Variants in ADAMTSL1 observed in about 807,000 individuals in gnomAD.
The protein encoded by ADAMTSL1 is ADAMTS-like protein 1.
Under a neutral mutation model 201.8 loss-of-function variants are expected in ADAMTSL1, and 126 were observed. That is an observed-to-expected ratio of 0.62 (90% CI 0.54 to 0.72). ADAMTSL1 has a LOEUF of 0.72. Among genes scored for constraint, ADAMTSL1 ranks in the 30% least tolerant of loss-of-function variants. The pLI, the probability that ADAMTSL1 is intolerant of heterozygous loss-of-function variation, is 0.00. For missense variants in ADAMTSL1, 2,679 were observed against 2,277.8 expected (o/e 1.18, Z -3.59); for synonymous variants, 1,121 against 903.4 (o/e 1.24, Z -4.32).
intron 1 of ADAMTSL1, among the ~76,000 whole-genome samples, chr9:18,110,003 C>T (rs7853677): frequency 0.026 from 3,887 of 152,292 alleles, 59 homozygotes; most frequent in Middle Eastern, 0.044. Flanking sequence ...AAGAGGAACA[C>T]AGGCAAGTGA....
At chr9:18,472,099 C>T (rs1315483112), upstream of ADAMTSL1, among the ~76,000 whole-genome samples, 1 of 152,060 alleles carries the variant, frequency 6.6e-6, no homozygotes, top group Non-Finnish European at 1.5e-5. Flanking sequence ...GTAAAATGTT[C>T]CATTAATAGA....
chr9:18,282,606 A>G (rs557570570), intron 2 of ADAMTSL1, among the ~76,000 whole-genome samples: 5 of 152,336 alleles, frequency 3.3e-5, no homozygotes, highest in Non-Finnish European at 7.3e-5. Context: ...TGCACTTGAA[A>G]AGAGTACGTG....
intron 4 of ADAMTSL1, among the ~76,000 whole-genome samples, chr9:18,578,296 A>G (rs1822868141): frequency 6.6e-6 from 1 of 152,168 alleles, no homozygotes; most frequent in South Asian, 2.1e-4. Flanking sequence ...TTCAAACCAC[A>G]TTCTCCCCCT....
rs1454744826 is a variant in ADAMTSL1, at chr9:17,912,537, G to A, written c.87+5615G>A. 3.0e-5 allele frequency among the ~76,000 whole-genome samples: 2 copies of A among 66,786 alleles called. 1 individual carries two copies. Among genetic ancestry groups the A allele is most frequent in the Non-Finnish European group, 8.7e-5 (2 of 22,938 alleles). The allele number at this position is 66,786 out of a possible 152,430, so 43.8% of individuals were successfully genotyped here. A position where few individuals can be genotyped will look rare whatever the true frequency, so the allele number is the denominator to read the frequency against. On this transcript the variant is annotated intron_variant, in intron 1 of 29. Transcript: ENST00000680146. Reference sequence around the variant, plus strand: ...CGCCCACTTTTTGATGGGGTTGTTTGTTTTTTTCTTGTAAATTTGTTTGAG... The same window carrying A: ...CGCCCACTTTTTGATGGGGTTGTTTATTTTTTTCTTGTAAATTTGTTTGAG...
chr9:18,505,143 AT>A (rs1391244042), intron 2 of ADAMTSL1, among the ~76,000 whole-genome samples, 187 bp downstream of exon 2: 1 of 152,256 alleles, frequency 6.6e-6, no homozygotes, highest in African/African-American at 2.4e-5. Context: ...TCTTACGTCC[AT>A]CTGCAGCTGG....
At chr9:18,263,041 T>G (rs1801287931) in intron 2 of ADAMTSL1, among the ~76,000 whole-genome samples, 1 of 152,214 alleles carries the variant, frequency 6.6e-6, no homozygotes, top group Admixed American at 6.5e-5. Flanking sequence ...AGCCCAGAGT[T>G]TGCTGACATC....
chr9:18,248,234 G>A (rs1045774043), intron 2 of ADAMTSL1, among the ~76,000 whole-genome samples: 4 of 152,142 alleles, frequency 2.6e-5, no homozygotes, highest in African/African-American at 9.7e-5. Context: ...CAACATGAAA[G>A]CTATAATTGC....
intron 23 of ADAMTSL1, among the ~76,000 whole-genome samples, chr9:18,840,832 CTGTT>C (rs1434908530): frequency 2.0e-5 from 3 of 149,470 alleles, no homozygotes; most frequent in South Asian, 2.2e-4. Flanking sequence ...ATTTGGCTCT[CTGTT>C]TGTCTGTTTT....
At chr9:18,607,310 G>A (rs1473548538) in intron 4 of ADAMTSL1, among the ~76,000 whole-genome samples, 1 of 152,104 alleles carries the variant, frequency 6.6e-6, no homozygotes, top group African/African-American at 2.4e-5. Context: ...TCAACACTCT[G>A]CCAAGAATTC....
chr9:18,589,078 T>C (rs900237692), intron 4 of ADAMTSL1, among the ~76,000 whole-genome samples: 51 of 151,820 alleles, frequency 3.4e-4, no homozygotes, highest in Admixed American at 6.6e-5. Flanking sequence ...GGTTTTGCCA[T>C]GTTGGCCAGG....
At chr9:18,017,145 A>G (rs1457715028) in intron 1 of ADAMTSL1, among the ~76,000 whole-genome samples, 1 of 152,038 alleles carries the variant, frequency 6.6e-6, no homozygotes, top group Non-Finnish European at 1.5e-5. Context: ...CATCTCTACT[A>G]TAGCAAGTTA....
chr9:17,991,520 A>G (rs2811817), intron 1 of ADAMTSL1, among the ~76,000 whole-genome samples: 147,817 of 152,128 alleles, frequency 0.97, 71,910 homozygotes, highest in East Asian at 1. Flanking sequence ...GCTCAGACTC[A>G]GAAAAGGCTT....
chr9:17,984,274 A>G (rs1337065388), intron 1 of ADAMTSL1, among the ~76,000 whole-genome samples: 1 of 152,144 alleles, frequency 6.6e-6, no homozygotes, highest in Non-Finnish European at 1.5e-5. Flanking sequence ...TCATACTCTC[A>G]GCACCCAGAT....
At chr9:18,421,304 C>T (rs1818936817) in intron 2 of ADAMTSL1, among the ~76,000 whole-genome samples, 1 of 152,034 alleles carries the variant, frequency 6.6e-6, no homozygotes, top group African/African-American at 2.4e-5. Context: ...GTAATAACTA[C>T]CATTTATTGA....
chr9:18,427,059 T>C (rs1202700816), intron 2 of ADAMTSL1, among the ~76,000 whole-genome samples: 1 of 152,216 alleles, frequency 6.6e-6, no homozygotes, highest in African/African-American at 2.4e-5. Context: ...GCAGAATGGA[T>C]ATTTTGATGC....
intron 1 of ADAMTSL1, among the ~76,000 whole-genome samples, chr9:18,091,500 G>A (rs1265611914): frequency 6.6e-6 from 1 of 152,072 alleles, no homozygotes; most frequent in Non-Finnish European, 1.5e-5. Context: ...TTTTCTCTCT[G>A]TAAATCAGGA....
intron 1 of ADAMTSL1, among the ~76,000 whole-genome samples, chr9:18,125,645 C>T (rs1825701206): frequency 6.6e-6 from 1 of 152,090 alleles, no homozygotes; most frequent in Non-Finnish European, 1.5e-5. Context: ...GCATGTGGAC[C>T]TCTAGTTGTC....
chr9:18,345,180 G>T (rs1258954178), intron 2 of ADAMTSL1, among the ~76,000 whole-genome samples: 1 of 151,932 alleles, frequency 6.6e-6, no homozygotes, highest in Non-Finnish European at 1.5e-5. Flanking sequence ...ACAACATATT[G>T]GCCACGGCCT....
chr9:18,211,520 T>C (rs2132317709), intron 2 of ADAMTSL1, among the ~76,000 whole-genome samples: 2 of 152,294 alleles, frequency 1.3e-5, no homozygotes, highest in Middle Eastern at 6.8e-3. Flanking sequence ...TCTCTAGGAC[T>C]CTCTTCTGAG....
Sources: gnomAD v4.1 joint callset for allele counts (sites outside exome capture counted in the v4.1 genomes callset) on GRCh38, gnomAD v4.1.1 for gene constraint, MANE v1.5 for transcripts, NCBI Gene and HGNC (gene_info 2026-07-23, HGNC 2026-07-21) for gene names.